Variants in EXOC1 observed in about 807,000 individuals in gnomAD.
EXOC1 encodes the protein SEC3-like 1.
EXOC1 carries 67 observed loss-of-function variants against 107.7 expected under a neutral mutation model. The observed-to-expected ratio is 0.62, with a 90% confidence interval of 0.51 to 0.76. EXOC1 has a LOEUF of 0.76. EXOC1 is among the 30% of genes least tolerant of loss of function. The probability of loss-of-function intolerance (pLI) is 0.00; values close to 1 mark genes in which losing one functional copy is unlikely to be tolerated. For missense variants in EXOC1, 833 were observed against 1,055.7 expected, an observed-to-expected ratio of 0.79 and a Z score of 2.92; for synonymous variants, 348 against 353.5, an observed-to-expected ratio of 0.98 and a Z score of 0.17.
At chr4:55,879,347 G>A (rs977821051) in intron 9 of EXOC1, among the ~76,000 whole-genome samples, 1 of 152,214 alleles carries the variant, frequency 6.6e-6, no homozygotes, top group African/African-American at 2.4e-5. Context: ...GTGGGATAAG[G>A]ATTTCCAGAG....
At chr4:55,876,670 G>C in intron 8 of EXOC1, 1 of 985,334 alleles carries the variant, frequency 1.0e-6, no homozygotes, top group African/African-American at 1.7e-5. Context: ...TTTTGAACTG[G>C]TCAGTTTCAT....
chr4:55,861,581 A>G (rs1721479661), intron 3 of EXOC1, among the ~76,000 whole-genome samples: 1 of 152,248 alleles, frequency 6.6e-6, no homozygotes, highest in Non-Finnish European at 1.5e-5. Context: ...CTATATCTGT[A>G]TAATTCAGAT....
chr4:55,865,060 T>C (rs1001711747), intron 4 of EXOC1, among the ~76,000 whole-genome samples: 1 of 152,208 alleles, frequency 6.6e-6, no homozygotes, highest in African/African-American at 2.4e-5. Flanking sequence ...CTCATAGGGT[T>C]GTTATGAGGA....
At chr4:55,860,574 A>C in intron 3 of EXOC1, 33 bp downstream of exon 3, 1 of 1,610,120 alleles carries the variant, frequency 6.2e-7, no homozygotes. Flanking sequence ...ACCTGTGTTC[A>C]GAAAGCATCT....
intron 13 of EXOC1, 160 bp from the exon 14 acceptor site, chr4:55,892,475 C>T: frequency 4.9e-6 from 3 of 612,506 alleles, no homozygotes; most frequent in Non-Finnish European, 8.7e-6. Context: ...AAATAGCATA[C>T]TAAATTATAT....
Position 55,870,886 on chromosome 4 carries a change from C to A in EXOC1, c.812C>A (p.Ser271Tyr), listed in dbSNP as rs1351477926. The part of the protein sequence containing the change: ...LSNTNNVKLL[S>Y]EIEFLVNHMD... ...AACACTAATAATGTAAAACTCCTAT[C>A]TGAGATAGAGTTCCTTGTGGTAAGT... Residue 271 changes from serine to tyrosine, a missense_variant, in exon 6 of 19, where the codon TCT becomes TAT. Physicochemically the swap from Ser to Tyr is moderately radical, Grantham distance 144. Coordinates refer to ENST00000381295, the MANE Select transcript of EXOC1 (RefSeq NM_001024924.2). 2 of 1,613,142 alleles carry A rather than the reference C, an allele frequency of 1.2e-6. No homozygotes were observed. The highest frequency in any genetic ancestry group is 3.3e-5 in the Admixed American group (2 of 59,958).
chr4:55,854,892 T>C (rs908691933), intron 1 of EXOC1, among the ~76,000 whole-genome samples: 1 of 152,218 alleles, frequency 6.6e-6, no homozygotes, highest in African/African-American at 2.4e-5. Flanking sequence ...TTAAGAGAAT[T>C]CTTGAGATAG....
In EXOC1 at chr4:55,893,653, CTCTT is replaced by C. The variant is rs754526833; in HGVS notation, c.1828_1831del (p.Leu610IlefsTer3). ...GGAGACAAAATTGATAGCTTTAACT[CTCTT>C]TATATGTTAGTCAAAATGAGTCATC... On this transcript the variant is annotated frameshift_variant, in exon 15 of 19. Coordinates refer to ENST00000381295, the MANE Select transcript of EXOC1 (RefSeq NM_001024924.2). LOFTEE classifies it high-confidence loss of function. 2 of 1,613,964 alleles carry C rather than the reference CTCTT, an allele frequency of 1.2e-6. No homozygotes were observed. The highest frequency in any genetic ancestry group is 1.3e-5 in the African/African-American group (1 of 74,908).
rs1560338771 is a variant in EXOC1 at position 55,871,845 on chromosome 4, T to C, written c.965-4T>C. The C allele has an allele frequency of 1.9e-6, 3 of 1,613,190 alleles. No homozygotes were observed. The highest frequency in any genetic ancestry group is 1.7e-4 in the Middle Eastern group (1 of 6,052). On this transcript the variant is annotated splice_polypyrimidine_tract_variant and splice_region_variant and intron_variant, in intron 7 of 18. Transcript: ENST00000381295. The stretch of plus-strand genomic sequence containing the variant: ...ACTGGTCACAAAATGTCGTTCTGTG[T>C]CAGGCCATGACTTGCTTCTGGCAGT...
intron 17 of EXOC1, among the ~76,000 whole-genome samples, chr4:55,901,533 A>C (rs1289435436): frequency 6.6e-6 from 1 of 152,110 alleles, no homozygotes; most frequent in Non-Finnish European, 1.5e-5. Flanking sequence ...CAGTATATTT[A>C]ATATAAAAAA....
chr4:55,871,513 C>T (rs1412011659), intron 7 of EXOC1, among the ~76,000 whole-genome samples: 5 of 152,022 alleles, frequency 3.3e-5, no homozygotes, highest in Non-Finnish European at 5.9e-5. Flanking sequence ...TTTGGTTAGA[C>T]GAGAGCAATT....
intron 7 of EXOC1, 137 bp downstream of exon 7, chr4:55,871,370 T>C: frequency 8.9e-7 from 1 of 1,128,684 alleles, no homozygotes; most frequent in East Asian, 2.6e-5. Context: ...GTTTCACTGA[T>C]TTCCCAACTT....
chr4:55,860,650 T>C (rs192408888), intron 3 of EXOC1, 109 bp downstream of exon 3: 1 of 1,347,084 alleles, frequency 7.4e-7, no homozygotes, highest in Admixed American at 2.4e-5. Flanking sequence ...TATATGTTTG[T>C]TTTCTTATTT....
chr4:55,857,168 CTTTTTTTTTTTTTTT>C (rs71192052), intron 1 of EXOC1, among the ~76,000 whole-genome samples: 6 of 65,764 alleles, frequency 9.1e-5, no homozygotes, highest in East Asian at 9.3e-4. Context: ...TCCTTTTTTT[CTTTTTTTTTTTTTTT>C]TTTTTTTTTT....
intron 15 of EXOC1, among the ~76,000 whole-genome samples, chr4:55,894,892 G>T (rs1419557078): frequency 6.6e-6 from 1 of 151,996 alleles, no homozygotes; most frequent in Non-Finnish European, 1.5e-5. Context: ...AAAGTGCTGA[G>T]ATTACAAGCA....
rs1253946854 is a variant in EXOC1, at chr4:55,902,542, T to C, written c.2532+4T>C. ...TGAAGAAGAGAACTTACTTCAGGTATGCTTACTTCTTTTGACCATCTGACT... is the reference window on the plus strand; with the variant it reads ...TGAAGAAGAGAACTTACTTCAGGTACGCTTACTTCTTTTGACCATCTGACT... On this transcript the variant is annotated splice_donor_region_variant and intron_variant, in intron 18 of 18. Coordinates refer to ENST00000381295, the MANE Select transcript of EXOC1 (RefSeq NM_001024924.2). 6.8e-7 allele frequency: 1 copy of C among 1,467,532 alleles called. No individual in the cohort carries two copies. The highest frequency in any genetic ancestry group is 2.7e-5 in the Admixed American group (1 of 37,008). 90.9% of individuals were successfully genotyped at this position (1,467,532 alleles called of 1,614,324 possible).
At chr4:55,884,490 T>C (rs1362555812) in intron 10 of EXOC1, among the ~76,000 whole-genome samples, 2 of 152,250 alleles carry the variant, frequency 1.3e-5, no homozygotes, top group African/African-American at 2.4e-5. Context: ...TCTAAAGAGA[T>C]GCTTTGATGC....
At position 55,854,737 on chromosome 4, in the gene EXOC1, G is replaced by T. The variant is rs550584618; in HGVS notation, c.-11+784G>T. Among the ~76,000 whole-genome samples the T allele has an allele frequency of 3.3e-5, 5 of 152,256 alleles. 1 individual carries two copies. The highest frequency in any genetic ancestry group is 1.2e-4 in the African/African-American group (5 of 41,542). On this transcript the variant is annotated intron_variant, in intron 1 of 18. Coordinates refer to ENST00000381295, the MANE Select transcript of EXOC1 (RefSeq NM_001024924.2). Reference sequence around the variant, plus strand: ...TGTTTTGCCTCTTACTGTACACTCAGTTGCTTTTAGCCAGAGAAGGAGTAT... The same window carrying T: ...TGTTTTGCCTCTTACTGTACACTCATTTGCTTTTAGCCAGAGAAGGAGTAT...
intron 3 of EXOC1, among the ~76,000 whole-genome samples, chr4:55,862,859 C>T (rs1721602006): frequency 6.6e-6 from 1 of 152,004 alleles, no homozygotes; most frequent in Non-Finnish European, 1.5e-5. Flanking sequence ...TTTTTTAATT[C>T]CTTGGATGTG....
Sources: gnomAD v4.1 joint callset for allele counts (sites outside exome capture counted in the v4.1 genomes callset) on GRCh38, gnomAD v4.1.1 for gene constraint, MANE v1.5 for transcripts, NCBI Gene and HGNC (gene_info 2026-07-23, HGNC 2026-07-21) for gene names.